Variants in ASAP2 observed in about 807,000 individuals in gnomAD.
ASAP2 encodes the protein arf-GAP with SH3 domain, ANK repeat and PH domain-containing protein 2.
Under a neutral mutation model 131.4 loss-of-function variants are expected in ASAP2, and 45 were observed. The ratio of observed to expected loss-of-function variants is 0.34; its 90% CI spans 0.27 to 0.44. The LOEUF (loss-of-function observed/expected upper bound fraction) is 0.44, where lower values mean the gene tolerates loss of function less well. ASAP2 is among the 20% of genes least tolerant of loss of function. The pLI, the probability that ASAP2 is intolerant of heterozygous loss-of-function variation, is 1.00. For missense variants in ASAP2, 1,011 were observed against 1,297.0 expected, an observed-to-expected ratio of 0.78 and a Z score of 3.39; for synonymous variants, 510 against 503.0, an observed-to-expected ratio of 1.01 and a Z score of -0.19.
chr2:9,238,815 G>A (rs1399490092), intron 1 of ASAP2, among the ~76,000 whole-genome samples: 3 of 152,120 alleles, frequency 2.0e-5, no homozygotes, highest in Non-Finnish European at 4.4e-5. Context: ...CTTCCCTCTT[G>A]CTAACCTGAC....
At chr2:9,347,405 AG>A (rs1160567822) in intron 11 of ASAP2, among the ~76,000 whole-genome samples, 2 of 152,246 alleles carry the variant, frequency 1.3e-5, no homozygotes, top group Non-Finnish European at 2.9e-5. Flanking sequence ...TTTGGCCAGC[AG>A]CTCCTGAGTG....
chr2:9,391,393 C>T (rs1675709645), intron 23 of ASAP2, among the ~76,000 whole-genome samples, 197 bp downstream of exon 23: 1 of 152,090 alleles, frequency 6.6e-6, no homozygotes, highest in African/African-American at 2.4e-5. Flanking sequence ...CTGCCTGTCC[C>T]CACACTGCAC....
chr2:9,214,503 G>T (rs1049549385), intron 1 of ASAP2, among the ~76,000 whole-genome samples: 1 of 152,068 alleles, frequency 6.6e-6, no homozygotes, highest in Non-Finnish European at 1.5e-5. Flanking sequence ...GCCTCACAAA[G>T]TGCTGGGATT....
intron 15 of ASAP2, among the ~76,000 whole-genome samples, chr2:9,361,562 TCTTTTC>T (rs548144931): frequency 2.4e-4 from 37 of 152,138 alleles, no homozygotes; most frequent in Admixed American, 3.9e-4. Flanking sequence ...TCCTTTCTTT[TCTTTTC>T]CTTTTCCTTT....
chr2:9,267,008 G>T (rs1389954852), intron 1 of ASAP2, among the ~76,000 whole-genome samples: 2 of 151,904 alleles, frequency 1.3e-5, no homozygotes, highest in Admixed American at 6.6e-5. Flanking sequence ...TTTCATTTTG[G>T]CAACATTTTC....
chr2:9,287,779 C>T (rs1203234425), intron 2 of ASAP2, among the ~76,000 whole-genome samples: 1 of 144,320 alleles, frequency 6.9e-6, no homozygotes, highest in African/African-American at 2.5e-5. Context: ...AGCCTTCTCC[C>T]CGCTGCTGGC....
chr2:9,224,483 A>G (rs1662629997), intron 1 of ASAP2, among the ~76,000 whole-genome samples: 1 of 152,186 alleles, frequency 6.6e-6, no homozygotes, highest in African/African-American at 2.4e-5. Context: ...TTTCTTTCAA[A>G]GGATTGCTGT....
chr2:9,234,110 CAAAAAAAAAAAA>C (rs70948810), intron 1 of ASAP2, among the ~76,000 whole-genome samples: 1 of 76,598 alleles, frequency 1.3e-5, no homozygotes, highest in East Asian at 4.6e-4. Flanking sequence ...AGCTATGTCT[CAAAAAAAAAAAA>C]AAAAAAAAAG....
intron 12 of ASAP2, 133 bp from the exon 13 acceptor site, chr2:9,355,914 G>A (rs935320611): frequency 8.8e-6 from 10 of 1,141,522 alleles, no homozygotes; most frequent in Non-Finnish European, 1.3e-5. Context: ...GGGAGTGCCT[G>A]ATTTTATACA....
rs1671116529 is a variant in ASAP2 at position 9,335,132 on chromosome 2, C to G, written c.802C>G (p.Gln268Glu). The change falls in exon 9 of 28, where the codon CAG (glutamine) becomes GAG (glutamate). Residue 268 changes from glutamine to glutamate, a missense_variant. By Grantham distance (29) the Gln-to-Glu change is conservative (BLOSUM62 2). Around this residue, in one of 2 missense-constraint regions of ASAP2, gnomAD observed 359 missense variants for 598.1 expected, o/e 0.60. Transcript: ENST00000281419. ...AQDEERRQLI[Q>E]LRDILKSALQ... ...GGATGAAGAAAGAAGGCAGTTGATACAGCTTCGAGATATTTTGAAATCCGC... is the reference window on the plus strand; with the variant it reads ...GGATGAAGAAAGAAGGCAGTTGATAGAGCTTCGAGATATTTTGAAATCCGC... The G allele has an allele frequency of 1.9e-6, 3 of 1,614,006 alleles. No homozygotes were observed. The highest frequency in any genetic ancestry group is 1.7e-5 in the Admixed American group (1 of 59,988).
rs180699207 is a variant in ASAP2, at chr2:9,331,051, G to A, written c.686+3140G>A. On this transcript the variant is annotated intron_variant, in intron 7 of 27. Coordinates refer to ENST00000281419, the MANE Select transcript of ASAP2 (RefSeq NM_003887.3). ...AGCTCGCAGCCGTGCGTGTTTCCAC[G>A]TGTGGGAGCGCCTCTCATTCCCCCA... 2.3e-3 allele frequency among the ~76,000 whole-genome samples: 355 copies of A among 152,326 alleles called. 1 individual carries two copies. Among genetic ancestry groups the A allele is most frequent in the Admixed American group, 9.0e-3 (138 of 15,308 alleles).
At chr2:9,260,536 C>G (rs1665506445) in intron 1 of ASAP2, among the ~76,000 whole-genome samples, 1 of 152,164 alleles carries the variant, frequency 6.6e-6, no homozygotes, top group African/African-American at 2.4e-5. Flanking sequence ...TGGCCAGGCT[C>G]TAAAAGGCAC....
At chr2:9,323,829 G>A (rs758634683) in intron 6 of ASAP2, among the ~76,000 whole-genome samples, 4 of 152,294 alleles carry the variant, frequency 2.6e-5, no homozygotes, top group Admixed American at 2.0e-4. Flanking sequence ...TTAGTGAGGC[G>A]GAGACAGCAG....
chr2:9,349,260 A>G (rs1672176916), intron 11 of ASAP2, among the ~76,000 whole-genome samples: 1 of 152,196 alleles, frequency 6.6e-6, no homozygotes, highest in South Asian at 2.1e-4. Flanking sequence ...TATAGGAGTT[A>G]TTCCTATATC....
intron 24 of ASAP2, among the ~76,000 whole-genome samples, chr2:9,395,247 C>T (rs1676020886): frequency 6.6e-6 from 1 of 152,118 alleles, no homozygotes. Flanking sequence ...CCAAGGTGGG[C>T]GGATCACCTG....
chr2:9,268,896 C>T lies in ASAP2; in HGVS notation c.127-10421C>T, dbSNP rs1023797380. On this transcript the variant is annotated intron_variant, in intron 1 of 27. Coordinates refer to ENST00000281419, the MANE Select transcript of ASAP2 (RefSeq NM_003887.3). The surrounding 1 kb of genome is among the most constrained non-coding windows in gnomAD (Gnocchi z 4.1). Reference sequence around the variant, plus strand: ...GAAGGAAGCCAGCCTCTTCCCACCCCTGCTGGTTCGCATTGAGAACTCAGG... The same window carrying T: ...GAAGGAAGCCAGCCTCTTCCCACCCTTGCTGGTTCGCATTGAGAACTCAGG... Among the ~76,000 whole-genome samples the T allele has an allele frequency of 6.6e-6, 1 of 152,206 alleles. No homozygotes were observed. The highest frequency in any genetic ancestry group is 2.4e-5 in the African/African-American group (1 of 41,454).
Position 9,401,460 on chromosome 2 carries a change from G to T in ASAP2, c.2946+64G>T, listed in dbSNP as rs1007629558. On this transcript the variant is annotated intron_variant, in intron 27 of 27. Coordinates refer to ENST00000281419, the MANE Select transcript of ASAP2 (RefSeq NM_003887.3). ...AGCCACGTCCCTGCCCACCTGGCTG[G>T]AGAGACGGGCTTGCAGGTGAGGTTT... is the stretch of plus-strand genomic sequence containing the variant. The T allele has an allele frequency of 6.3e-6, 10 of 1,578,834 alleles. No individual in the cohort carries two copies. In the Middle Eastern group the frequency reaches 6.1e-4, roughly 97 times the overall value.
intron 12 of ASAP2, 110 bp from the exon 13 acceptor site, chr2:9,355,937 C>A: frequency 7.5e-7 from 1 of 1,332,000 alleles, no homozygotes; most frequent in South Asian, 1.2e-5. Context: ...TCAGTAATTT[C>A]GTAACAGAGA....
intron 6 of ASAP2, among the ~76,000 whole-genome samples, chr2:9,326,631 C>T: frequency 6.6e-6 from 1 of 152,150 alleles, no homozygotes; most frequent in South Asian, 2.1e-4. Flanking sequence ...CTTTATATGT[C>T]CCTATGTATA....
Sources: gnomAD v4.1 joint callset for allele counts (sites outside exome capture counted in the v4.1 genomes callset) on GRCh38, gnomAD v4.1.1 for gene constraint, gnomAD v4.1.1 regional missense constraint, Gnocchi (gnomAD v3.1) non-coding constraint, MANE v1.5 for transcripts, NCBI Gene and HGNC (gene_info 2026-07-23, HGNC 2026-07-21) for gene names.